The following SORCS1 variants were observed in gnomAD, a reference collection of about 807,000 sequenced individuals.
SORCS1 encodes the protein sortilin related VPS10 domain containing receptor 1, also known as VPS10 domain-containing receptor SorCS1.
Under a neutral mutation model 146.1 loss-of-function variants are expected in SORCS1, and 60 were observed. The observed-to-expected ratio is 0.41, with a 90% CI of 0.33 to 0.51. The LOEUF (loss-of-function observed/expected upper bound fraction) is 0.51. Among genes scored for constraint, SORCS1 ranks in the 20% least tolerant of loss-of-function variants. The pLI is 0.21. For synonymous variants in SORCS1, 637 were observed against 584.0 expected (o/e 1.09, Z -1.31); for missense variants, 1,352 against 1,487.6 (o/e 0.91, Z 1.50).
At chr10:107,147,957 C>A (rs597400) in intron 1 of SORCS1, among the ~76,000 whole-genome samples, 48,569 of 151,668 alleles carry the variant, frequency 0.32, 9,160 homozygotes, top group African/African-American at 0.54. Flanking sequence ...AATCGTCAGA[C>A]AGGAGGTGAT....
intron 1 of SORCS1, among the ~76,000 whole-genome samples, chr10:107,124,329 C>T (rs1354875169): frequency 6.6e-6 from 1 of 152,142 alleles, no homozygotes; most frequent in Non-Finnish European, 1.5e-5. Context: ...GCAATTGAGA[C>T]AAGACCATCT....
intron 2 of SORCS1, among the ~76,000 whole-genome samples, chr10:106,893,902 AG>A (rs1398569170): frequency 2.0e-5 from 3 of 152,230 alleles, no homozygotes; most frequent in Non-Finnish European, 4.4e-5. Flanking sequence ...GCAAGTAAAC[AG>A]GAAGTTTATC....
At chr10:106,801,616 G>A (rs991170101) in intron 3 of SORCS1, among the ~76,000 whole-genome samples, 14 of 142,952 alleles carry the variant, frequency 9.8e-5, no homozygotes, top group Non-Finnish European at 1.5e-4. Flanking sequence ...GCAAAGCTCC[G>A]CCTCCCAGGT....
At chr10:106,901,143 T>C (rs1462249246) in intron 2 of SORCS1, among the ~76,000 whole-genome samples, 1 of 152,156 alleles carries the variant, frequency 6.6e-6, no homozygotes, top group East Asian at 1.9e-4. Flanking sequence ...AACTAAACTT[T>C]TCCCTAAAAT....
intron 2 of SORCS1, among the ~76,000 whole-genome samples, chr10:106,873,501 AT>A (rs1950488116): frequency 1.3e-5 from 2 of 152,136 alleles, no homozygotes; most frequent in Non-Finnish European, 2.9e-5. Flanking sequence ...AGGAAGGTGA[AT>A]TGGTGGCATA....
At chr10:106,978,878 A>T (rs1956144427) in intron 1 of SORCS1, among the ~76,000 whole-genome samples, 1 of 152,152 alleles carries the variant, frequency 6.6e-6, no homozygotes, top group Non-Finnish European at 1.5e-5. Flanking sequence ...TCAATGCTGC[A>T]GTTGTATCAC....
chr10:106,674,209 G>C (rs1337403344), intron 14 of SORCS1, among the ~76,000 whole-genome samples: 2 of 149,554 alleles, frequency 1.3e-5, no homozygotes, highest in African/African-American at 2.5e-5. Context: ...GGCACCTGTA[G>C]TCCTAGCTAC....
intron 1 of SORCS1, among the ~76,000 whole-genome samples, chr10:107,125,014 G>A (rs1461796774): frequency 2.7e-5 from 4 of 145,484 alleles, no homozygotes; most frequent in Non-Finnish European, 4.5e-5. Flanking sequence ...GTGCAGTGGC[G>A]CGATCTCGGC....
rs1852103780 is a variant in SORCS1 at position 106,677,305 on chromosome 10, G to A, written c.1832+8C>T. On this transcript the variant is annotated splice_region_variant and intron_variant, in intron 13 of 25. Transcript: ENST00000263054. ...GGTGCAGATTTCACAGGCAGCATGT[G>A]CCCTTACCAAAGATGTCGAATTGGG... 1.9e-6 allele frequency: 3 copies of A among 1,612,948 alleles called. No individual in the cohort carries two copies. In the South Asian group the frequency reaches 3.3e-5, roughly 18 times the overall value.
chr10:107,087,865 T>C (rs1344461009), intron 1 of SORCS1, among the ~76,000 whole-genome samples: 1 of 152,254 alleles, frequency 6.6e-6, no homozygotes, highest in African/African-American at 2.4e-5. Flanking sequence ...TTGCTAGAGT[T>C]TCCCAATTGC....
chr10:106,886,707 A>G lies in SORCS1; in HGVS notation c.627-57034T>C, dbSNP rs115936336. Among the ~76,000 whole-genome samples the G allele has an allele frequency of 4.8e-3, 738 of 152,328 alleles. 4 individuals are homozygous for G. Among genetic ancestry groups the G allele is most frequent in the African/African-American group, 0.014 (564 of 41,572 alleles). ...TGTACCAACATTCACACATACAGAA[A>G]AGCTATGCAGCAGATCCATTCTCTT... On this transcript the variant is annotated intron_variant, in intron 2 of 25. Transcript: ENST00000263054.
intron 2 of SORCS1, among the ~76,000 whole-genome samples, chr10:106,860,347 G>C (rs1949962630): frequency 1.3e-5 from 2 of 152,122 alleles, no homozygotes; most frequent in South Asian, 4.1e-4. Context: ...TAGTCTGACA[G>C]GTAGAGCATC....
chr10:106,793,440 C>T (rs189625271), intron 3 of SORCS1, among the ~76,000 whole-genome samples: 10 of 152,218 alleles, frequency 6.6e-5, no homozygotes, highest in Admixed American at 4.6e-4. Context: ...TTGACTAAAG[C>T]AACAGAACCT....
intron 2 of SORCS1, among the ~76,000 whole-genome samples, chr10:106,865,312 G>A (rs1226883758): frequency 6.6e-6 from 1 of 152,194 alleles, no homozygotes; most frequent in Non-Finnish European, 1.5e-5. Flanking sequence ...GGAGGGGCAG[G>A]CAGCCATGTT....
chr10:106,804,240 C>A (rs996498969), intron 3 of SORCS1, among the ~76,000 whole-genome samples: 1 of 152,024 alleles, frequency 6.6e-6, no homozygotes, highest in African/African-American at 2.4e-5. Context: ...ACATAATTAA[C>A]AACTGTGTAT....
intron 8 of SORCS1, among the ~76,000 whole-genome samples, chr10:106,706,206 GAAA>G (rs869234899): frequency 7.3e-6 from 1 of 137,748 alleles, no homozygotes; most frequent in African/African-American, 2.8e-5. Context: ...AAGAAAGAAA[GAAA>G]AAAGAAAGAA....
At chr10:106,702,237 T>C (rs546976873) in intron 8 of SORCS1, among the ~76,000 whole-genome samples, 30 of 152,312 alleles carry the variant, frequency 2.0e-4, no homozygotes, top group African/African-American at 7.2e-4. Context: ...AATCCTTACC[T>C]TGGCCTTGAG....
chr10:106,873,900 T>C (rs894302518), intron 2 of SORCS1, among the ~76,000 whole-genome samples: 1 of 152,186 alleles, frequency 6.6e-6, no homozygotes, highest in African/African-American at 2.4e-5. Flanking sequence ...GTCACAGTAA[T>C]GGGCTCTGAA....
intron 21 of SORCS1, among the ~76,000 whole-genome samples, chr10:106,614,738 A>G (rs1847241178): frequency 6.6e-6 from 1 of 152,250 alleles, no homozygotes; most frequent in Non-Finnish European, 1.5e-5. Context: ...TACTTAGCAT[A>G]CTAACCAGCA....
Sources: gnomAD v4.1 joint callset for allele counts (sites outside exome capture counted in the v4.1 genomes callset) on GRCh38, gnomAD v4.1.1 for gene constraint, MANE v1.5 for transcripts, NCBI Gene and HGNC (gene_info 2026-07-23, HGNC 2026-07-21) for gene names.